The following CAMSAP1 variants were observed in gnomAD, a reference collection of about 807,000 sequenced individuals.
The protein encoded by CAMSAP1 is calmodulin-regulated spectrin-associated protein 1.
In CAMSAP1, 58 loss-of-function variants were observed where a neutral mutation model predicts 143.5. The observed-to-expected ratio is 0.40, with a 90% CI of 0.33 to 0.50. CAMSAP1 has a LOEUF of 0.50. Ranked by LOEUF, CAMSAP1 falls within the 20% of genes least tolerant of loss-of-function variation. The pLI is 0.45. For synonymous variants in CAMSAP1, 945 were observed against 859.3 expected (o/e 1.10, Z -1.74); for missense variants, 1,969 against 2,115.7 (o/e 0.93, Z 1.36).
chr9:135,894,611 C>G (rs1838391728), intron 1 of CAMSAP1, among the ~76,000 whole-genome samples: 1 of 152,190 alleles, frequency 6.6e-6, no homozygotes, highest in African/African-American at 2.4e-5. Context: ...ACCAAAACAG[C>G]ACCACAAAGG....
intron 1 of CAMSAP1, among the ~76,000 whole-genome samples, chr9:135,884,869 C>T (rs1838075054): frequency 1.3e-5 from 2 of 152,300 alleles, no homozygotes; most frequent in East Asian, 1.9e-4. Flanking sequence ...GACAAACAGG[C>T]GGCCTGTGGG....
chr9:135,853,701 T>C (rs1424462494), intron 5 of CAMSAP1, among the ~76,000 whole-genome samples: 1 of 152,242 alleles, frequency 6.6e-6, no homozygotes, highest in Non-Finnish European at 1.5e-5. Flanking sequence ...GGCACTGCAG[T>C]GCAGGGCAGG....
intron 5 of CAMSAP1, among the ~76,000 whole-genome samples, chr9:135,854,881 A>G (rs1836899613): frequency 6.6e-6 from 1 of 152,192 alleles, no homozygotes; most frequent in Admixed American, 6.5e-5. Context: ...AATTAAGTCC[A>G]GTACCCAACA....
At position 135,825,621 on chromosome 9, in the gene CAMSAP1, C is replaced by A. The variant is rs187155948; in HGVS notation, c.1224-741G>T. ...TCTGACAGAGCAACACCCATGAGAC[C>A]GGCACCCAGCAGCCTCTGCCACTCC... On this transcript the variant is annotated intron_variant, in intron 8 of 16. Transcript: ENST00000389532. 4.1e-3 allele frequency among the ~76,000 whole-genome samples: 626 copies of A among 152,312 alleles called. 8 individuals carry two copies. The highest frequency in any genetic ancestry group is 0.016 in the Admixed American group (246 of 15,298).
At chr9:135,886,312 T>TC (rs1340898997) in intron 1 of CAMSAP1, among the ~76,000 whole-genome samples, 4 of 152,056 alleles carry the variant, frequency 2.6e-5, no homozygotes, top group Non-Finnish European at 4.4e-5. Context: ...GTGGAGGGTG[T>TC]CACACAGGAT....
intron 5 of CAMSAP1, among the ~76,000 whole-genome samples, chr9:135,858,729 A>C (rs1423679894): frequency 6.6e-6 from 1 of 152,252 alleles, no homozygotes; most frequent in Non-Finnish European, 1.5e-5. Context: ...CAAGTCTGGA[A>C]GCCTCAGAGC....
chr9:135,892,045 GTCAAAAGT>G (rs941168571), intron 1 of CAMSAP1, among the ~76,000 whole-genome samples: 24 of 152,316 alleles, frequency 1.6e-4, no homozygotes, highest in Admixed American at 6.5e-4. Flanking sequence ...ATGAGACGAT[GTCAAAAGT>G]TCCAACACTG....
At position 135,824,004 on chromosome 9, in the gene CAMSAP1, C is replaced by T. The variant is rs759094749; in HGVS notation, c.1346G>A (p.Arg449Gln). Residue 449 changes from arginine to glutamine, a missense_variant, in exon 10 of 17, where the codon CGA becomes CAA. Coordinates refer to ENST00000389532, the MANE Select transcript of CAMSAP1 (RefSeq NM_015447.4). The surrounding 1 kb of genome is among the most constrained non-coding windows in gnomAD (Gnocchi z 4.1). ...DQRHRSNSLT[R>Q]VDGQPRGAAI... The stretch of plus-strand genomic sequence containing the variant: ...TGCTCCTCGAGGCTGACCATCAACT[C>T]GGGTCAAAGAATTCGATCGATGTCG... 5.0e-6 allele frequency: 8 copies of T among 1,588,222 alleles called. No individual in the cohort carries two copies. The highest frequency in any genetic ancestry group is 1.7e-4 in the Middle Eastern group (1 of 6,054).
chr9:135,852,199 T>C (rs998877294), intron 5 of CAMSAP1, among the ~76,000 whole-genome samples: 1 of 152,218 alleles, frequency 6.6e-6, no homozygotes, highest in Non-Finnish European at 1.5e-5. Context: ...TCTTACCGAT[T>C]CTAGAATTCT....
Position 135,818,377 on chromosome 9 carries a change from C to A in CAMSAP1, c.4168+31G>T. ...TGAGGCCGCCGCCCGCGGAAGGAAG[C>A]GCTGCCCGCGTGAGGGCCGGGGCTG... On this transcript the variant is annotated intron_variant, in intron 13 of 16. Transcript: ENST00000389532. The surrounding 1 kb of genome is among the most constrained non-coding windows in gnomAD (Gnocchi z 7.7). 1.3e-6 allele frequency: 2 copies of A among 1,529,748 alleles called. No individual in the cohort carries two copies. Among genetic ancestry groups the A allele is most frequent in the Non-Finnish European group, 1.8e-6 (2 of 1,140,170 alleles). 94.8% of individuals were successfully genotyped at this position (1,529,748 alleles called of 1,614,324 possible). A position where few individuals can be genotyped will look rare whatever the true frequency, so the allele number is the denominator to read the frequency against.
intron 1 of CAMSAP1, among the ~76,000 whole-genome samples, chr9:135,905,314 T>C (rs1403404448): frequency 6.6e-6 from 1 of 152,196 alleles, no homozygotes; most frequent in African/African-American, 2.4e-5. Flanking sequence ...CAAAGCTAAA[T>C]GCAATGAAAT....
rs1217616976 is a variant in CAMSAP1, at chr9:135,822,121, C to G, written c.2540G>C (p.Ser847Thr). Reference sequence around the variant, plus strand: ...CCACGTCGTCAGAGGGGCTGGGCAGCTCTCAGACGCATCTGGCGTGGTCTT... The same window carrying G: ...CCACGTCGTCAGAGGGGCTGGGCAGGTCTCAGACGCATCTGGCGTGGTCTT... ...SQKTTPDASE[S>T]CPAPLTTWRQ... The change falls in exon 11 of 17, where the codon AGC becomes ACC. Residue 847 changes from serine to threonine, a missense_variant. Coordinates refer to ENST00000389532, the MANE Select transcript of CAMSAP1 (RefSeq NM_015447.4). The surrounding 1 kb of genome is among the most constrained non-coding windows in gnomAD (Gnocchi z 6.1). 1 of 1,612,068 alleles carries G rather than the reference C, an allele frequency of 6.2e-7. No homozygotes were observed.
intron 1 of CAMSAP1, among the ~76,000 whole-genome samples, chr9:135,890,025 G>C (rs1469776116): frequency 1.3e-5 from 2 of 152,146 alleles, no homozygotes; most frequent in Admixed American, 6.5e-5. Context: ...GGGCAAAGGA[G>C]CATGGGAGGC....
At chr9:135,837,048 C>T (rs1836084755) in intron 7 of CAMSAP1, 1 of 660,570 alleles carries the variant, frequency 1.5e-6, no homozygotes, top group African/African-American at 2.0e-5. Context: ...TAGAGACACA[C>T]ATCATCATGC....
At chr9:135,903,392 G>C (rs939984161) in intron 1 of CAMSAP1, among the ~76,000 whole-genome samples, 16 of 152,204 alleles carry the variant, frequency 1.1e-4, no homozygotes, top group African/African-American at 3.9e-4. Context: ...GAAAGGGAGG[G>C]GGACCTAAAA....
At chr9:135,856,955 C>G (rs539113452) in intron 5 of CAMSAP1, among the ~76,000 whole-genome samples, 48 of 152,340 alleles carry the variant, frequency 3.2e-4, no homozygotes, top group African/African-American at 1.1e-3. Flanking sequence ...TGCGTGCACA[C>G]ACTCCCCAGC....
At chr9:135,892,629 G>C (rs1760650552) in intron 1 of CAMSAP1, among the ~76,000 whole-genome samples, 1 of 151,854 alleles carries the variant, frequency 6.6e-6, no homozygotes, top group Non-Finnish European at 1.5e-5. Flanking sequence ...AAGGCGGGTG[G>C]ATCACGAGGT....
In CAMSAP1 at chr9:135,823,267, C is replaced by T. The variant is rs373701699; in HGVS notation, c.1401-7G>A. ...TGTTGGCTGGGACGCAGGCCTGAAA[C>T]ACAGGGAAGGCCCACTGGGTGCGCT... On this transcript the variant is annotated splice_polypyrimidine_tract_variant and splice_region_variant and intron_variant, in intron 10 of 16. Transcript: ENST00000389532. 179 of 1,539,412 alleles carry T rather than the reference C, an allele frequency of 1.2e-4. No individual in the cohort carries two copies. The highest frequency in any genetic ancestry group is 1.5e-4 in the Non-Finnish European group (167 of 1,143,502).
intron 1 of CAMSAP1, among the ~76,000 whole-genome samples, chr9:135,898,128 T>C (rs1472075969): frequency 2.0e-5 from 3 of 151,770 alleles, no homozygotes; most frequent in Non-Finnish European, 2.9e-5. Context: ...AAGACCAAAA[T>C]AAACCCGAAG....
Sources: allele counts gnomAD v4.1 joint callset (sites outside exome capture counted in the v4.1 genomes callset), GRCh38; gene constraint gnomAD v4.1.1; non-coding constraint Gnocchi (gnomAD v3.1); transcripts MANE v1.5; gene names NCBI Gene and HGNC (gene_info 2026-07-23, HGNC 2026-07-21).